Variants in PIK3C3 observed in about 807,000 individuals in gnomAD.
PIK3C3 encodes the protein phosphatidylinositol 3-kinase catalytic subunit type 3, also known as PI3-kinase type 3.
Under a neutral mutation model 126.1 loss-of-function variants are expected in PIK3C3, and 95 were observed. The ratio of observed to expected loss-of-function variants is 0.75; its 90% confidence interval spans 0.64 to 0.89. The LOEUF (loss-of-function observed/expected upper bound fraction) is 0.89, where lower values mean the gene tolerates loss of function less well. PIK3C3 is among the 40% of genes least tolerant of loss of function. PIK3C3 has a pLI of 0.00. For synonymous variants in PIK3C3, 374 were observed against 360.0 expected, an observed-to-expected ratio of 1.04 and a Z score of -0.44; for missense variants, 829 against 1,063.2, an observed-to-expected ratio of 0.78 and a Z score of 3.06.
intron 13 of PIK3C3, among the ~76,000 whole-genome samples, chr18:42,023,985 C>T (rs1411812681): frequency 1.3e-5 from 2 of 152,214 alleles, no homozygotes; most frequent in Non-Finnish European, 2.9e-5. Flanking sequence ...CACAGAGGGG[C>T]GTTACAGTCT....
chr18:42,012,723 A>T (rs553619424), intron 10 of PIK3C3, among the ~76,000 whole-genome samples: 2 of 152,274 alleles, frequency 1.3e-5, no homozygotes, highest in South Asian at 4.1e-4. Context: ...TACTTTGTTG[A>T]CTGACACCTT....
intron 20 of PIK3C3, among the ~76,000 whole-genome samples, chr18:42,046,580 A>G (rs1336428658): frequency 6.6e-6 from 1 of 152,168 alleles, no homozygotes; most frequent in East Asian, 1.9e-4. Context: ...TTGTTTTGAC[A>G]AGATTTTCTT....
chr18:42,059,285 A>G (rs1484608672), intron 22 of PIK3C3, among the ~76,000 whole-genome samples: 2 of 152,226 alleles, frequency 1.3e-5, no homozygotes, highest in Non-Finnish European at 2.9e-5. Flanking sequence ...GGGTGGCAGA[A>G]TGGCTCAGTT....
chr18:42,076,135 T>TAC (rs1985996490), intron 24 of PIK3C3, among the ~76,000 whole-genome samples: 1 of 92,786 alleles, frequency 1.1e-5, no homozygotes, highest in Non-Finnish European at 2.0e-5. Context: ...CATATATATA[T>TAC]ATATATATGC....
At chr18:41,999,488 C>A (rs1016914869) in intron 9 of PIK3C3, among the ~76,000 whole-genome samples, 3 of 152,052 alleles carry the variant, frequency 2.0e-5, no homozygotes, top group Admixed American at 2.0e-4. Flanking sequence ...TGAGGACAAT[C>A]ATCATATTTG....
chr18:41,957,517 T>G, intron 1 of PIK3C3, 53 bp from the exon 2 acceptor site: 1 of 1,536,346 alleles, frequency 6.5e-7, no homozygotes. Context: ...TATGTATATA[T>G]GTACATGCTT....
At chr18:41,963,713 G>T (rs764889987) in intron 3 of PIK3C3, among the ~76,000 whole-genome samples, 3 of 151,922 alleles carry the variant, frequency 2.0e-5, no homozygotes, top group Non-Finnish European at 2.9e-5. Context: ...GAGGAGGATT[G>T]TATTTTGGAG....
At chr18:42,028,594 A>G (rs73452297) in intron 14 of PIK3C3, among the ~76,000 whole-genome samples, 6,714 of 152,274 alleles carry the variant, frequency 0.044, 476 homozygotes, top group African/African-American at 0.15. Flanking sequence ...TCGTTCCCAA[A>G]GCTTCTCAAC....
At chr18:41,995,145 A>G (rs1282502278) in intron 7 of PIK3C3, among the ~76,000 whole-genome samples, 1 of 152,166 alleles carries the variant, frequency 6.6e-6, no homozygotes, top group Non-Finnish European at 1.5e-5. Flanking sequence ...ATTTAACTAC[A>G]TTTTAAAAAT....
chr18:42,069,190 A>G (rs530597381), intron 24 of PIK3C3, among the ~76,000 whole-genome samples: 18 of 152,186 alleles, frequency 1.2e-4, no homozygotes, highest in Non-Finnish European at 2.9e-5. Context: ...TTTTATTACA[A>G]GGGCTGCCTC....
chr18:42,079,579 TAAAA>T (rs11380691), intron 24 of PIK3C3, among the ~76,000 whole-genome samples: 1 of 150,900 alleles, frequency 6.6e-6, no homozygotes, highest in African/African-American at 2.4e-5. Flanking sequence ...TTCAATTTGT[TAAAA>T]AAAAACAAAA....
At chr18:41,960,311 A>C (rs1002982206) in intron 2 of PIK3C3, among the ~76,000 whole-genome samples, 1 of 152,122 alleles carries the variant, frequency 6.6e-6, no homozygotes, top group African/African-American at 2.4e-5. Flanking sequence ...TTCTTATGTG[A>C]ATATTATTCT....
chr18:42,049,507 T>A, intron 20 of PIK3C3, 24 bp from the exon 21 acceptor site: 1 of 1,588,478 alleles, frequency 6.3e-7, no homozygotes, highest in Non-Finnish European at 8.6e-7. Flanking sequence ...TGTTTTCACA[T>A]ATTTTTTTTA....
At chr18:42,071,221 T>C (rs567765855) in intron 24 of PIK3C3, among the ~76,000 whole-genome samples, 1 of 152,360 alleles carries the variant, frequency 6.6e-6, no homozygotes, top group East Asian at 1.9e-4. Flanking sequence ...GCAGCATGAA[T>C]ATGTAGATGA....
intron 21 of PIK3C3, 77 bp from the exon 22 acceptor site, chr18:42,057,806 A>G: frequency 8.0e-7 from 1 of 1,253,094 alleles, no homozygotes; most frequent in Admixed American, 1.9e-5. Context: ...CACTGTTTAT[A>G]TCAATTGTGT....
intron 4 of PIK3C3, among the ~76,000 whole-genome samples, chr18:41,972,452 A>G (rs1010139513): frequency 2.0e-5 from 3 of 152,120 alleles, no homozygotes; most frequent in Non-Finnish European, 2.9e-5. Flanking sequence ...CAGTTTTCAG[A>G]TAAGTTTTTA....
At chr18:42,025,774 G>A (rs748131135) in intron 13 of PIK3C3, 1 of 152,152 alleles carries the variant, frequency 6.6e-6, no homozygotes, top group Non-Finnish European at 1.5e-5. Flanking sequence ...GACCTTAGAT[G>A]TAAAAAATGA....
At chr18:42,033,513 T>TGAATC (rs1983917176) in intron 15 of PIK3C3, among the ~76,000 whole-genome samples, 1 of 152,190 alleles carries the variant, frequency 6.6e-6, no homozygotes. Flanking sequence ...AAACAGAAAT[T>TGAATC]GAATCTTTAG....
chr18:41,994,698 A>G (rs1981944425), intron 7 of PIK3C3, among the ~76,000 whole-genome samples: 1 of 152,110 alleles, frequency 6.6e-6, no homozygotes, highest in Admixed American at 6.6e-5. Context: ...AACTCATGCC[A>G]TACATAGGAA....
Sources: gnomAD v4.1 joint callset for allele counts (sites outside exome capture counted in the v4.1 genomes callset) on GRCh38, gnomAD v4.1.1 for gene constraint, MANE v1.5 for transcripts, NCBI Gene and HGNC (gene_info 2026-07-23, HGNC 2026-07-21) for gene names.